Variants in KCTD1 observed in about 807,000 individuals in gnomAD.
KCTD1 encodes the protein potassium channel tetramerization domain containing 1.
KCTD1 carries 24 observed loss-of-function variants against 66.0 expected under a neutral mutation model. The ratio of observed to expected loss-of-function variants is 0.36; its 90% confidence interval spans 0.26 to 0.51. KCTD1 has a LOEUF of 0.51. Ranked by LOEUF, KCTD1 falls within the 20% of genes least tolerant of loss-of-function variation. The probability of loss-of-function intolerance (pLI) is 0.95; values close to 1 mark genes in which losing one functional copy is unlikely to be tolerated. For missense variants in KCTD1, 943 were observed against 1,205.2 expected (o/e 0.78, Z 3.22); for synonymous variants, 511 against 517.2 (o/e 0.99, Z 0.16).
At chr18:26,638,961 T>G (rs1291210271) in intron 1 of KCTD1, among the ~76,000 whole-genome samples, 2 of 152,170 alleles carry the variant, frequency 1.3e-5, no homozygotes, top group Admixed American at 1.3e-4. Context: ...TCTCCATCCC[T>G]CTATCTCTCT....
At chr18:26,613,156 C>T (rs547737384) in intron 1 of KCTD1, among the ~76,000 whole-genome samples, 21 of 152,184 alleles carry the variant, frequency 1.4e-4, no homozygotes, top group South Asian at 4.2e-4. Context: ...TTTGGTTTTT[C>T]GGACTCAGCA....
At chr18:26,471,520 T>A (rs1981060455) in intron 3 of KCTD1, among the ~76,000 whole-genome samples, 1 of 151,972 alleles carries the variant, frequency 6.6e-6, no homozygotes, top group Non-Finnish European at 1.5e-5. Context: ...GAGCAACTCA[T>A]GATACAGTTT....
At chr18:26,548,987 G>A (rs1252844144), upstream of KCTD1, 23 of 985,354 alleles carry the variant, frequency 2.3e-5, no homozygotes, top group Non-Finnish European at 2.5e-5. Flanking sequence ...CCGAGGAGCA[G>A]TGCCCCTTCC....
intron 1 of KCTD1, among the ~76,000 whole-genome samples, chr18:26,512,962 C>T (rs982496718): frequency 6.6e-5 from 10 of 151,688 alleles, no homozygotes; most frequent in African/African-American, 1.5e-4. Flanking sequence ...GCCTGGGCAA[C>T]GCAGAAAGAC....
intron 1 of KCTD1, among the ~76,000 whole-genome samples, chr18:26,526,401 G>A (rs1598918147): frequency 6.6e-6 from 1 of 152,178 alleles, no homozygotes; most frequent in Non-Finnish European, 1.5e-5. Flanking sequence ...AGAGGACCTC[G>A]TGCCCCTGCA....
chr18:26,467,974 G>A (rs554271665), intron 3 of KCTD1, among the ~76,000 whole-genome samples: 2 of 152,272 alleles, frequency 1.3e-5, no homozygotes, highest in South Asian at 2.1e-4. Flanking sequence ...CAACATGGGG[G>A]CCACTTACCA....
intron 1 of KCTD1, among the ~76,000 whole-genome samples, chr18:26,648,833 G>A (rs748352134): frequency 9.9e-5 from 15 of 152,252 alleles, no homozygotes; most frequent in African/African-American, 1.2e-4. Flanking sequence ...TTATCTCTCC[G>A]CACTTCCATC....
intron 1 of KCTD1, among the ~76,000 whole-genome samples, chr18:26,619,663 T>C (rs1987330084): frequency 6.6e-6 from 1 of 152,198 alleles, no homozygotes; most frequent in Non-Finnish European, 1.5e-5. Context: ...GCCTGGGCAA[T>C]GGGACCTGAG....
intron 3 of KCTD1, among the ~76,000 whole-genome samples, chr18:26,466,593 C>T (rs1172147469): frequency 6.6e-6 from 1 of 152,114 alleles, no homozygotes; most frequent in Admixed American, 6.5e-5. Flanking sequence ...AGGACAGCCC[C>T]CACCACAAAG....
upstream of KCTD1, among the ~76,000 whole-genome samples, chr18:26,551,575 G>A (rs1249965582): frequency 6.6e-6 from 1 of 151,990 alleles, no homozygotes; most frequent in Non-Finnish European, 1.5e-5. Flanking sequence ...GACGTCTTTG[G>A]GCTACTATCT....
At chr18:26,573,087 A>G (rs1986147340) in intron 1 of KCTD1, among the ~76,000 whole-genome samples, 1 of 151,790 alleles carries the variant, frequency 6.6e-6, no homozygotes, top group South Asian at 2.1e-4. Flanking sequence ...AATGGCAATA[A>G]CCCCTTTTTA....
chr18:26,570,219 T>G (rs1445830542), intron 1 of KCTD1, among the ~76,000 whole-genome samples: 1 of 148,556 alleles, frequency 6.7e-6, no homozygotes, highest in Non-Finnish European at 1.5e-5. Flanking sequence ...TATATATGAT[T>G]TCAGCAATTC....
At chr18:26,497,127 A>C (rs1393372822) in intron 2 of KCTD1, among the ~76,000 whole-genome samples, 3 of 152,204 alleles carry the variant, frequency 2.0e-5, no homozygotes, top group Non-Finnish European at 4.4e-5. Context: ...AGAATTTTAA[A>C]AACACCTACA....
Position 26,546,864 on chromosome 18 carries a change from C to G in KCTD1, c.1673G>C (p.Arg558Pro). ...GPTSPKRLCI[R>P]PSEPVDAVVV... The stretch of plus-strand genomic sequence containing the variant: ...CACCGCATCCACAGGCTCCGAGGGG[C>G]GGATACAAAGTCTTTTGGGGGAAGT... The change falls in exon 1 of 5, where the codon CGC becomes CCC. Residue 558 changes from arginine to proline, a missense_variant. Physicochemically the swap from Arg to Pro is moderately radical, Grantham distance 103. Transcript: ENST00000580059. The G allele has an allele frequency of 6.6e-7, 1 of 1,506,332 alleles. No homozygotes were observed. The highest frequency in any genetic ancestry group is 8.9e-7 in the Non-Finnish European group (1 of 1,127,482). 93.3% of individuals were successfully genotyped at this position (1,506,332 alleles called of 1,614,324 possible). A position where few individuals can be genotyped will look rare whatever the true frequency, so the allele number is the denominator to read the frequency against.
At chr18:26,633,404 G>A (rs974118933), upstream of KCTD1, among the ~76,000 whole-genome samples, 10 of 151,860 alleles carry the variant, frequency 6.6e-5, no homozygotes, top group Non-Finnish European at 1.2e-4. Flanking sequence ...CAAGGACAAG[G>A]AAACCTTAAC....
At chr18:26,464,012 TTTC>T (rs1358252406) in intron 3 of KCTD1, among the ~76,000 whole-genome samples, 1 of 152,224 alleles carries the variant, frequency 6.6e-6, no homozygotes, top group Admixed American at 6.5e-5. Context: ...TTGAAACTTC[TTTC>T]TTGATTACAT....
At position 26,573,020 on chromosome 18, in the gene KCTD1, AC is replaced by A. The variant is rs1225433437; in HGVS notation, c.-16+56126del. ...GTGTAACCCTACAGACTCAATAACCACCCCCCCCTTTTTTTTTTTGAGACAG... is the reference window on the plus strand; with the variant it reads ...GTGTAACCCTACAGACTCAATAACCACCCCCCCTTTTTTTTTTTGAGACAG... On this transcript the variant is annotated intron_variant, in intron 1 of 4. Coordinates refer to the KCTD1 transcript ENST00000317932. 1.0e-3 allele frequency among the ~76,000 whole-genome samples: 140 copies of A among 139,344 alleles called. 1 individual carries two copies. The highest frequency in any genetic ancestry group is 3.1e-3 in the African/African-American group (114 of 37,350). 91.4% of individuals were successfully genotyped at this position (139,344 alleles called of 152,430 possible).
intron 1 of KCTD1, among the ~76,000 whole-genome samples, chr18:26,570,365 C>T (rs1213367322): frequency 6.6e-6 from 1 of 151,950 alleles, no homozygotes; most frequent in East Asian, 1.9e-4. Flanking sequence ...TAACTCCATT[C>T]TATCTAAGGA....
At chr18:26,604,664 A>T (rs1253429885) in intron 1 of KCTD1, among the ~76,000 whole-genome samples, 1 of 152,188 alleles carries the variant, frequency 6.6e-6, no homozygotes, top group Non-Finnish European at 1.5e-5. Context: ...GCATGTTCTC[A>T]CTTACAAGTG....
Sources: allele counts gnomAD v4.1 joint callset (sites outside exome capture counted in the v4.1 genomes callset), GRCh38; gene constraint gnomAD v4.1.1; transcripts MANE v1.5; gene names NCBI Gene and HGNC (gene_info 2026-07-23, HGNC 2026-07-21).